PLEKHM1: variants seen among roughly 807,000 people sequenced by gnomAD.
PLEKHM1 encodes pleckstrin homology and RUN domain containing M1.
Under a neutral mutation model 94.3 loss-of-function variants are expected in PLEKHM1, and 28 were observed. The ratio of observed to expected loss-of-function variants is 0.30; its 90% CI spans 0.22 to 0.41. The LOEUF (loss-of-function observed/expected upper bound fraction) is 0.41. Ranked by LOEUF, PLEKHM1 falls within the 10% of genes least tolerant of loss-of-function variation. The pLI, the probability that PLEKHM1 is intolerant of heterozygous loss-of-function variation, is 1.00. For missense variants in PLEKHM1, 907 were observed against 1,358.6 expected (o/e 0.67, Z 5.22); for synonymous variants, 424 against 581.2 (o/e 0.73, Z 3.89).
chr17:45,462,738 AG>A (rs969761754), intron 5 of PLEKHM1, among the ~76,000 whole-genome samples: 50 of 152,310 alleles, frequency 3.3e-4, no homozygotes, highest in African/African-American at 1.2e-3. Flanking sequence ...AAAATAACAA[AG>A]GTGGGTCAAG....
Position 45,436,301 on chromosome 17 carries a change from C to T in PLEKHM1, c.*1557G>A, listed in dbSNP as rs989663272. 1 of 454,086 alleles carries T rather than the reference C, an allele frequency of 2.2e-6. No homozygotes were observed. The highest frequency in any genetic ancestry group is 4.4e-6 in the Non-Finnish European group (1 of 226,824). The allele number at this position is 454,086 out of a possible 1,614,324, so 28.1% of individuals were successfully genotyped here. On this transcript the variant is annotated 3_prime_UTR_variant, in exon 12 of 12. Coordinates refer to ENST00000430334, the MANE Select transcript of PLEKHM1 (RefSeq NM_014798.3). ...GCCATGGCGGTGCATAACCCAGCTCCTGGCTTAGGAGGCATTGGCGTCTGG... is the reference window on the plus strand; with the variant it reads ...GCCATGGCGGTGCATAACCCAGCTCTTGGCTTAGGAGGCATTGGCGTCTGG...
At chr17:45,449,443 CACCTATCT>C (rs1403564037) in intron 8 of PLEKHM1, among the ~76,000 whole-genome samples, 5 of 152,012 alleles carry the variant, frequency 3.3e-5, no homozygotes, top group Non-Finnish European at 7.4e-5. Flanking sequence ...CCCATTCACC[CACCTATCT>C]ACCTATCTAC....
intron 4 of PLEKHM1, among the ~76,000 whole-genome samples, chr17:45,473,477 T>C (rs1438869501): frequency 2.0e-5 from 3 of 151,930 alleles, no homozygotes; most frequent in African/African-American, 7.3e-5. Flanking sequence ...AAAGATCTTC[T>C]CCAAAACAAG....
intron 8 of PLEKHM1, among the ~76,000 whole-genome samples, chr17:45,448,458 C>T (rs2050677757): frequency 6.6e-6 from 1 of 152,256 alleles, no homozygotes; most frequent in Non-Finnish European, 1.5e-5. Flanking sequence ...CAGGCCCTGG[C>T]TCTCCAGAGG....
chr17:45,452,154 G>A (rs1407253805), intron 7 of PLEKHM1, among the ~76,000 whole-genome samples: 5 of 152,138 alleles, frequency 3.3e-5, no homozygotes, highest in East Asian at 3.9e-4. Flanking sequence ...GCCCCTGGAT[G>A]GTGGGGGGAG....
chr17:45,478,209 T>G, intron 2 of PLEKHM1, 62 bp from the exon 3 acceptor site: 4 of 1,607,826 alleles, frequency 2.5e-6, no homozygotes, highest in Non-Finnish European at 3.4e-6. Context: ...GTCCCTAGAG[T>G]GTAATCCTTT....
Position 45,487,243 on chromosome 17 carries a change from C to A in PLEKHM1, c.-42+3409G>T, listed in dbSNP as rs1404905468. On this transcript the variant is annotated intron_variant, in intron 1 of 11. Coordinates refer to ENST00000430334, the MANE Select transcript of PLEKHM1 (RefSeq NM_014798.3). ...CAGAAAGCAAGCTTCTCTGATGTCCCTCTCTAACCTCATTTAATTCTCACA... is the reference window on the plus strand; with the variant it reads ...CAGAAAGCAAGCTTCTCTGATGTCCATCTCTAACCTCATTTAATTCTCACA... Among the ~76,000 whole-genome samples the A allele has an allele frequency of 3.3e-5, 5 of 152,248 alleles. No homozygotes were observed. The East Asian group carries it at 7.7e-4, about 23-fold the overall frequency.
intron 5 of PLEKHM1, among the ~76,000 whole-genome samples, chr17:45,461,642 T>G (rs1302317990): frequency 2.0e-5 from 3 of 152,150 alleles, no homozygotes; most frequent in African/African-American, 7.2e-5. Context: ...TCAGTCCTGC[T>G]TTTGGGTTTG....
At position 45,454,120 on chromosome 17, in the gene PLEKHM1, A is replaced by G. The variant is rs776345448; in HGVS notation, c.1732T>C (p.Ser578Pro). Residue 578 changes from serine (S) to proline (P), a missense_variant, in exon 7 of 12, where the codon TCG becomes CCG. By Grantham distance (74) the Ser-to-Pro change is moderately conservative (BLOSUM62 -1). This residue lies in a region of PLEKHM1 where 477 missense variants were observed against 601.5 expected (regional missense o/e 0.79). Transcript: ENST00000430334. ...CCCACAGACTCACAGCGAAGCAGCG[A>G]GCAGTTCTCCACACAGGTGTGCTCC... ...NEEHTCVENC[S>P]LLRCESVGPA... 6.2e-7 allele frequency: 1 copy of G among 1,614,088 alleles called. No homozygotes were observed. The highest frequency in any genetic ancestry group is 8.5e-7 in the Non-Finnish European group (1 of 1,180,060).
intron 2 of PLEKHM1, among the ~76,000 whole-genome samples, chr17:45,481,450 G>A (rs1393013005): frequency 1.3e-5 from 2 of 150,482 alleles, no homozygotes; most frequent in Non-Finnish European, 2.9e-5. Context: ...GATGTTATTT[G>A]TATATTATAT....
intron 8 of PLEKHM1, among the ~76,000 whole-genome samples, chr17:45,446,894 T>C (rs2050623223): frequency 6.6e-6 from 1 of 152,140 alleles, no homozygotes; most frequent in Non-Finnish European, 1.5e-5. Flanking sequence ...AGTTTCCTCA[T>C]CTGTAAAATG....
chr17:45,451,606 A>G (rs1199370984), intron 7 of PLEKHM1, among the ~76,000 whole-genome samples: 1 of 152,082 alleles, frequency 6.6e-6, no homozygotes, highest in Non-Finnish European at 1.5e-5. Context: ...TTGTGGGGTT[A>G]TTACAAAGCT....
At position 45,445,435 on chromosome 17, in the gene PLEKHM1, G is replaced by T. The variant is rs769720686; in HGVS notation, c.2837+35C>A. 1.4e-5 allele frequency: 22 copies of T among 1,579,632 alleles called. No individual in the cohort carries two copies. In the Admixed American group the frequency reaches 2.7e-4, roughly 19 times the overall value. On this transcript the variant is annotated intron_variant, in intron 9 of 11. Transcript: ENST00000430334. This position sits in a 1 kb window ranked among gnomAD's most constrained non-coding sequence, Gnocchi z 4.2. Reference sequence around the variant, plus strand: ...TGTGTGCATGCATGTGCGTGTGTACGTGCACTCACACGCATACACGTAGAG... The same window carrying T: ...TGTGTGCATGCATGTGCGTGTGTACTTGCACTCACACGCATACACGTAGAG...
chr17:45,483,948 G>T (rs1004178504), intron 1 of PLEKHM1, among the ~76,000 whole-genome samples: 2 of 152,158 alleles, frequency 1.3e-5, no homozygotes, highest in Non-Finnish European at 2.9e-5. Flanking sequence ...TTGGCCAAAG[G>T]GATTTCAAAA....
At chr17:45,469,965 C>T (rs1462448148) in intron 4 of PLEKHM1, among the ~76,000 whole-genome samples, 3 of 151,774 alleles carry the variant, frequency 2.0e-5, no homozygotes, top group East Asian at 3.9e-4. Context: ...CCCAGCTACT[C>T]AGGAGGCTGA....
chr17:45,453,261 C>A lies in PLEKHM1; in HGVS notation c.2497+94G>T, dbSNP rs530767912. 4 of 1,230,642 alleles carry A rather than the reference C, an allele frequency of 3.3e-6. No individual in the cohort carries two copies. The highest frequency in any genetic ancestry group is 3.0e-5 in the African/African-American group (2 of 66,760). The allele number at this position is 1,230,642 out of a possible 1,614,324, so 76.2% of individuals were successfully genotyped here. A position where few individuals can be genotyped will look rare whatever the true frequency, so the allele number is the denominator to read the frequency against. On this transcript the variant is annotated intron_variant, in intron 7 of 11. Transcript: ENST00000430334. The surrounding 1 kb of genome is among the most constrained non-coding windows in gnomAD (Gnocchi z 4.1). ...CCTAGGGGAAGGATGGGGGCATTTG[C>A]GGGGAGGCAGAAGGGTGGGGAGCCT...
At chr17:45,457,700 G>A (rs2684518) in intron 6 of PLEKHM1, among the ~76,000 whole-genome samples, 1 of 152,126 alleles carries the variant, frequency 6.6e-6, no homozygotes, top group African/African-American at 2.4e-5. Flanking sequence ...ACTCCAGCCT[G>A]GGCAACAAAG....
At chr17:45,442,699 C>T (rs2050486405) in intron 9 of PLEKHM1, among the ~76,000 whole-genome samples, 1 of 152,234 alleles carries the variant, frequency 6.6e-6, no homozygotes. Flanking sequence ...GCCACCGCAC[C>T]TGGTCTTTTC....
In PLEKHM1 at chr17:45,451,563, A is replaced by C. The variant is rs529640475; in HGVS notation, c.2498-800T>G. ...CCTGATTTCTTCAAGGTTCCATTTC[A>C]GTGACTGTAAAATTCAGCTACTACC... On this transcript the variant is annotated intron_variant, in intron 7 of 11. Coordinates refer to ENST00000430334, the MANE Select transcript of PLEKHM1 (RefSeq NM_014798.3). Among the ~76,000 whole-genome samples the C allele has an allele frequency of 2.6e-5, 4 of 152,256 alleles. No homozygotes were observed. The East Asian group carries it at 7.7e-4, about 29-fold the overall frequency.
Sources: gnomAD v4.1 joint callset for allele counts (sites outside exome capture counted in the v4.1 genomes callset) on GRCh38, gnomAD v4.1.1 for gene constraint, gnomAD v4.1.1 regional missense constraint, Gnocchi (gnomAD v3.1) non-coding constraint, MANE v1.5 for transcripts, NCBI Gene and HGNC (gene_info 2026-07-23, HGNC 2026-07-21) for gene names.